The following PCDH9 variants were observed in gnomAD, a reference collection of about 807,000 sequenced individuals.
PCDH9 encodes the protein protocadherin-9.
In PCDH9, 24 loss-of-function variants were observed where a neutral mutation model predicts 70.6. The ratio of observed to expected loss-of-function variants is 0.34; its 90% CI spans 0.25 to 0.48. The LOEUF is 0.48. Among genes scored for constraint, PCDH9 ranks in the 20% least tolerant of loss-of-function variants. The pLI, the probability that PCDH9 is intolerant of heterozygous loss-of-function variation, is 0.99. For missense variants in PCDH9, 1,281 were observed against 1,503.6 expected, an observed-to-expected ratio of 0.85 and a Z score of 2.45; for synonymous variants, 562 against 558.5, an observed-to-expected ratio of 1.01 and a Z score of -0.09.
intron 3 of PCDH9, among the ~76,000 whole-genome samples, chr13:66,631,658 G>C (rs1397539348): frequency 6.6e-6 from 1 of 152,060 alleles, no homozygotes; most frequent in Non-Finnish European, 1.5e-5. Flanking sequence ...TTGGGGCTTT[G>C]AAAAGTGTAA....
intron 3 of PCDH9, among the ~76,000 whole-genome samples, chr13:66,775,213 G>A (rs1201668820): frequency 6.6e-6 from 1 of 152,174 alleles, no homozygotes; most frequent in Non-Finnish European, 1.5e-5. Context: ...TAGTGTCTTA[G>A]GAAGCATGTA....
chr13:66,449,235 A>G (rs1275795419), intron 4 of PCDH9, among the ~76,000 whole-genome samples: 1 of 152,150 alleles, frequency 6.6e-6, no homozygotes, highest in Non-Finnish European at 1.5e-5. Context: ...GGCCTTCAGA[A>G]TGTTTCAGAC....
chr13:66,393,621 A>G (rs1198056429), intron 4 of PCDH9, among the ~76,000 whole-genome samples: 1 of 152,236 alleles, frequency 6.6e-6, no homozygotes, highest in Non-Finnish European at 1.5e-5. Context: ...TATTTATTAA[A>G]TAAGTTAATA....
At position 67,228,169 on chromosome 13, in the gene PCDH9, C is replaced by G. The variant is rs1205204628; in HGVS notation, c.272G>C (p.Arg91Thr). 4.3e-6 allele frequency: 7 copies of G among 1,613,788 alleles called. No homozygotes were observed. In the African/African-American group the frequency reaches 5.3e-5, roughly 12 times the overall value. ...AGCACAGAGTTTTTCTCTGTCTATTCTGTTGGAGGTTGTGAAAATTTCCCC... is the reference window on the plus strand; with the variant it reads ...AGCACAGAGTTTTTCTCTGTCTATTGTGTTGGAGGTTGTGAAAATTTCCCC... ...STGEIFTTSN[R>T]IDREKLCAGA... The change falls in exon 2 of 5, where the codon AGA becomes ACA. Residue 91 changes from arginine (R) to threonine (T), a missense_variant. Physicochemically the swap from Arg to Thr is moderately conservative, Grantham distance 71 (BLOSUM62 -1). This residue lies in a region of PCDH9 where 798 missense variants were observed against 1,003.1 expected (regional missense o/e 0.80). Transcript: ENST00000377865.
intron 4 of PCDH9, among the ~76,000 whole-genome samples, chr13:66,618,929 T>C (rs2077390294): frequency 6.6e-6 from 1 of 152,218 alleles, no homozygotes; most frequent in Admixed American, 6.5e-5. Flanking sequence ...TAAATGTTAC[T>C]ATAGATTTTT....
At chr13:66,606,915 C>G (rs2077228964) in intron 4 of PCDH9, among the ~76,000 whole-genome samples, 1 of 152,026 alleles carries the variant, frequency 6.6e-6, no homozygotes, top group Non-Finnish European at 1.5e-5. Context: ...CATTTATGTT[C>G]AAGTCATCTG....
rs549362237 is a variant in PCDH9 at position 66,306,607 on chromosome 13, T to C, written c.3341-1579A>G. Among the ~76,000 whole-genome samples the C allele has an allele frequency of 3.3e-5, 5 of 151,738 alleles. No individual in the cohort carries two copies. The South Asian group carries it at 1.0e-3, about 32-fold the overall frequency. On this transcript the variant is annotated intron_variant, in intron 4 of 4. Transcript: ENST00000377865. Reference sequence around the variant, plus strand: ...AGGGGCTGAAATGCACTATTTCATATAAACTCAAAGTTTAGCGATTTTTTT... The same window carrying C: ...AGGGGCTGAAATGCACTATTTCATACAAACTCAAAGTTTAGCGATTTTTTT...
intron 2 of PCDH9, among the ~76,000 whole-genome samples, chr13:67,115,227 T>C (rs548361432): frequency 8.5e-5 from 13 of 152,346 alleles, no homozygotes; most frequent in African/African-American, 2.6e-4. Flanking sequence ...TGTTTAGTAA[T>C]AATAATTGGA....
intron 4 of PCDH9, among the ~76,000 whole-genome samples, chr13:66,327,074 A>G (rs9540713): frequency 1 from 151,614 of 152,242 alleles, 75,500 homozygotes; most frequent in Middle Eastern, 1. Context: ...CAAAGTTTAA[A>G]ATACGCTTTT....
At chr13:66,328,202 A>T (rs1041152146) in intron 4 of PCDH9, among the ~76,000 whole-genome samples, 2 of 152,170 alleles carry the variant, frequency 1.3e-5, no homozygotes, top group African/African-American at 4.8e-5. Context: ...GCATTGAACA[A>T]AATTCTTTAC....
intron 4 of PCDH9, among the ~76,000 whole-genome samples, chr13:66,366,866 A>G (rs1160573942): frequency 6.6e-6 from 1 of 152,136 alleles, no homozygotes; most frequent in African/African-American, 2.4e-5. Context: ...AGTTAGTTTT[A>G]TAGTATATGA....
chr13:66,685,436 A>G (rs2078387169), intron 3 of PCDH9, among the ~76,000 whole-genome samples: 1 of 152,216 alleles, frequency 6.6e-6, no homozygotes, highest in South Asian at 2.1e-4. Context: ...GGAAATGCCA[A>G]TATGTCCAGG....
chr13:66,347,504 T>C (rs965912322), intron 4 of PCDH9, among the ~76,000 whole-genome samples: 2 of 152,190 alleles, frequency 1.3e-5, no homozygotes, highest in Non-Finnish European at 2.9e-5. Flanking sequence ...ATTATTTTTT[T>C]GCACCACTTC....
rs1955393360 is a variant in PCDH9, at chr13:66,302,996, C to A, written c.*1659G>T. On this transcript the variant is annotated 3_prime_UTR_variant, in exon 5 of 5. Transcript: ENST00000377865. ...TACTTCAATAAGCAATGCACCCCTA[C>A]CCATTATTTTCCATTATACTGTGGA... 6.6e-6 allele frequency: 1 copy of A among 152,554 alleles called. No homozygotes were observed. The highest frequency in any genetic ancestry group is 2.4e-5 in the African/African-American group (1 of 41,534). The allele number at this position is 152,554 out of a possible 1,614,324, so 9.5% of individuals were successfully genotyped here.
At chr13:66,627,017 G>C (rs188354847) in intron 4 of PCDH9, among the ~76,000 whole-genome samples, 1 of 150,082 alleles carries the variant, frequency 6.7e-6, no homozygotes. Context: ...ATTAAAGCCT[G>C]AAGTTTACAA....
rs557374672 is a variant in PCDH9, at chr13:66,665,681, C to G, written c.3139-34270G>C. Among the ~76,000 whole-genome samples, 10 of 152,166 alleles carry G rather than the reference C, an allele frequency of 6.6e-5. No homozygotes were observed. The East Asian group carries it at 1.5e-3, about 24-fold the overall frequency. ...GATGTAGTCTATTTTTTAATGTGGTCATCTTATGTTCTGTGCTGTGTCCTC... is the reference window on the plus strand; with the variant it reads ...GATGTAGTCTATTTTTTAATGTGGTGATCTTATGTTCTGTGCTGTGTCCTC... On this transcript the variant is annotated intron_variant, in intron 3 of 4. Transcript: ENST00000377865.
intron 4 of PCDH9, among the ~76,000 whole-genome samples, chr13:66,615,855 C>T (rs1282815589): frequency 2.6e-5 from 4 of 152,150 alleles, no homozygotes; most frequent in African/African-American, 9.7e-5. Context: ...CATGTTTCTC[C>T]CTGACTGGTT....
intron 4 of PCDH9, among the ~76,000 whole-genome samples, chr13:66,442,268 A>G (rs1433971226): frequency 6.6e-6 from 1 of 152,162 alleles, no homozygotes; most frequent in Non-Finnish European, 1.5e-5. Context: ...TCCCTGGAGA[A>G]CATCCAAAAC....
At chr13:66,686,978 G>T (rs2078412452) in intron 3 of PCDH9, among the ~76,000 whole-genome samples, 1 of 152,148 alleles carries the variant, frequency 6.6e-6, no homozygotes, top group South Asian at 2.1e-4. Flanking sequence ...AAAAGCCCTG[G>T]CTTCTAATTG....
Sources: gnomAD v4.1 joint callset for allele counts (sites outside exome capture counted in the v4.1 genomes callset) on GRCh38, gnomAD v4.1.1 for gene constraint, gnomAD v4.1.1 regional missense constraint, MANE v1.5 for transcripts, NCBI Gene and HGNC (gene_info 2026-07-23, HGNC 2026-07-21) for gene names.